CFAP54: variants seen among roughly 807,000 people sequenced by gnomAD.
CFAP54 encodes cilia- and flagella-associated protein 54.
CFAP54 carries 290 observed loss-of-function variants against 370.4 expected under a neutral mutation model. The observed-to-expected ratio is 0.78, with a 90% confidence interval of 0.71 to 0.86. The LOEUF (loss-of-function observed/expected upper bound fraction) is 0.86. Ranked by LOEUF, CFAP54 falls within the 40% of genes least tolerant of loss-of-function variation. CFAP54 has a pLI of 0.00. For missense variants in CFAP54, 3,399 were observed against 3,528.7 expected (o/e 0.96, Z 0.93); for synonymous variants, 1,206 against 1,236.5 (o/e 0.98, Z 0.52).
chr12:96,626,304 T>G (rs1283940228), intron 29 of CFAP54, among the ~76,000 whole-genome samples: 1 of 151,138 alleles, frequency 6.6e-6, no homozygotes, highest in East Asian at 1.9e-4. Flanking sequence ...GAGAATCACT[T>G]GAATCTGGGA....
At chr12:96,529,026 G>T (rs1485439371) in intron 9 of CFAP54, among the ~76,000 whole-genome samples, 1 of 152,080 alleles carries the variant, frequency 6.6e-6, no homozygotes, top group Non-Finnish European at 1.5e-5. Flanking sequence ...TTTATTCTTT[G>T]ATATATGGGT....
chr12:96,722,752 C>T (rs1363959867), intron 50 of CFAP54, among the ~76,000 whole-genome samples: 1 of 152,164 alleles, frequency 6.6e-6, no homozygotes, highest in Admixed American at 6.5e-5. Context: ...GGTGGTGTTT[C>T]TTACCAGTGT....
intron 60 of CFAP54, among the ~76,000 whole-genome samples, chr12:96,780,068 T>G (rs1047436852): frequency 6.6e-6 from 1 of 152,172 alleles, no homozygotes; most frequent in African/African-American, 2.4e-5. Flanking sequence ...GAGGCATTCT[T>G]GATATACTCT....
chr12:96,538,790 G>A, intron 13 of CFAP54: 1 of 324,450 alleles, frequency 3.1e-6, no homozygotes, highest in Middle Eastern at 9.7e-4. Context: ...GCTCTGTCCT[G>A]GAGGCTGCAG....
rs1000911152 is a variant in CFAP54, at chr12:96,507,044, G to A, written c.684G>A (p.Arg228=). 9 of 1,535,190 alleles carry A rather than the reference G, an allele frequency of 5.9e-6. No individual in the cohort carries two copies. In the East Asian group the frequency reaches 9.8e-5, roughly 17 times the overall value. The change falls in exon 4 of 68, where the codon AGG becomes AGA. Residue 228 remains arginine, a synonymous_variant. Coordinates refer to ENST00000524981, the MANE Select transcript of CFAP54 (RefSeq NM_001306084.2). ...VQCLHILSSL[R]LIMQVALPQE... ...GTCTGCATATCTTGTCCTCCTTAAGGCTCATCATGCAAGTGGCTCTGCCAC... is the reference window on the plus strand; with the variant it reads ...GTCTGCATATCTTGTCCTCCTTAAGACTCATCATGCAAGTGGCTCTGCCAC...
chr12:96,636,960 T>A (rs903143744), intron 32 of CFAP54, among the ~76,000 whole-genome samples: 7 of 152,092 alleles, frequency 4.6e-5, no homozygotes, highest in African/African-American at 1.4e-4. Flanking sequence ...TTTGTTACAG[T>A]CACAGAGTTT....
At chr12:96,794,338 A>C (rs1021834246) in intron 63 of CFAP54, among the ~76,000 whole-genome samples, 1 of 152,054 alleles carries the variant, frequency 6.6e-6, no homozygotes, top group African/African-American at 2.4e-5. Context: ...ACATTTTCCA[A>C]ACTTTTAGAT....
intron 64 of CFAP54, among the ~76,000 whole-genome samples, chr12:96,817,218 G>T (rs145779699): frequency 6.6e-6 from 1 of 151,702 alleles, no homozygotes; most frequent in African/African-American, 2.4e-5. Flanking sequence ...CTTTTTTATT[G>T]TGCTTTTGCA....
At chr12:96,722,055 T>C (rs2136611269) in intron 50 of CFAP54, among the ~76,000 whole-genome samples, 1 of 152,306 alleles carries the variant, frequency 6.6e-6, no homozygotes, top group South Asian at 2.1e-4. Flanking sequence ...AGCCCATCTG[T>C]TCCCTCCTTT....
At chr12:96,645,490 G>A (rs1236382050) in intron 33 of CFAP54, 1 of 165,220 alleles carries the variant, frequency 6.1e-6, no homozygotes, top group Non-Finnish European at 1.3e-5. Flanking sequence ...CTTAGGGATA[G>A]GAAGAATCAA....
intron 19 of CFAP54, among the ~76,000 whole-genome samples, chr12:96,571,295 A>G (rs1955914447): frequency 6.6e-6 from 1 of 152,208 alleles, no homozygotes; most frequent in Admixed American, 6.5e-5. Context: ...CATTCAGACA[A>G]AAATACTTTG....
At chr12:96,704,456 A>ATG (rs1957525464) in intron 46 of CFAP54, among the ~76,000 whole-genome samples, 1 of 6,962 alleles carries the variant, frequency 1.4e-4, no homozygotes, top group Non-Finnish European at 2.8e-4. Context: ...ATGTGTGTAT[A>ATG]TATATATATA....
chr12:96,839,403 T>C (rs1849307012), intron 66 of CFAP54, among the ~76,000 whole-genome samples: 1 of 152,140 alleles, frequency 6.6e-6, no homozygotes, highest in Non-Finnish European at 1.5e-5. Context: ...TAGATTTAAT[T>C]CCCTAAGGAG....
intron 58 of CFAP54, among the ~76,000 whole-genome samples, chr12:96,760,955 G>A (rs540706912): frequency 6.6e-6 from 1 of 152,168 alleles, no homozygotes; most frequent in Non-Finnish European, 1.5e-5. Flanking sequence ...GTGGACATAT[G>A]TTTTCAATTC....
intron 19 of CFAP54, among the ~76,000 whole-genome samples, chr12:96,569,724 C>T (rs1955895817): frequency 6.6e-6 from 1 of 152,172 alleles, no homozygotes; most frequent in South Asian, 2.1e-4. Context: ...ATAATCAACA[C>T]AGAATCTAAT....
chr12:96,789,400 T>C (rs34461), intron 62 of CFAP54, among the ~76,000 whole-genome samples: 1 of 152,112 alleles, frequency 6.6e-6, no homozygotes, highest in Non-Finnish European at 1.5e-5. Flanking sequence ...TAACACCAGA[T>C]TCAGATTCAC....
At position 96,499,869 on chromosome 12, in the gene CFAP54, C is replaced by A. The variant is rs148069161; in HGVS notation, c.318-965C>A. ...GCTGAGGAAGGAGAATTGCTTGAAC[C>A]CCAGAGGTGGAGGTTGCAGTGAGCC... On this transcript the variant is annotated intron_variant, in intron 1 of 67. Coordinates refer to ENST00000524981, the MANE Select transcript of CFAP54 (RefSeq NM_001306084.2). 4.2e-3 allele frequency among the ~76,000 whole-genome samples: 642 copies of A among 152,172 alleles called. 7 individuals carry two copies. The highest frequency in any genetic ancestry group is 0.015 in the African/African-American group (607 of 41,504).
chr12:96,765,118 G>T lies in CFAP54; in HGVS notation c.8181G>T (p.Lys2727Asn), dbSNP rs1477030773. The T allele has an allele frequency of 6.7e-7, 1 of 1,501,174 alleles. No individual in the cohort carries two copies. 93.0% of individuals were successfully genotyped at this position (1,501,174 alleles called of 1,614,324 possible). The change falls in exon 60 of 68, where the codon AAG (lysine) becomes AAT (asparagine). Residue 2727 changes from lysine (K) to asparagine (N), a missense_variant. By Grantham distance (94) the Lys-to-Asn change is moderately conservative. Coordinates refer to ENST00000524981, the MANE Select transcript of CFAP54 (RefSeq NM_001306084.2). Reference sequence around the variant, plus strand: ...TGGCAATTAACTTACTTATTGGAAAGAAGAATACTAGAATGCATAAAGTTA... The same window carrying T: ...TGGCAATTAACTTACTTATTGGAAATAAGAATACTAGAATGCATAAAGTTA... ...AVLAINLLIG[K>N]KNTRMHKVNQ... is the part of the protein sequence containing the mutation.
Position 96,685,183 on chromosome 12 carries a change from A to G in CFAP54, c.5959A>G (p.Arg1987Gly), listed in dbSNP as rs1565941991. ...FKDYSEEFLS[R>G]VGIWGCLQGA... ...AGACTACAGTGAGGAGTTTCTGTCAAGAGTTGGCATCTGGGGGTGTTTGCA... is the reference window on the plus strand; with the variant it reads ...AGACTACAGTGAGGAGTTTCTGTCAGGAGTTGGCATCTGGGGGTGTTTGCA... The change falls in exon 42 of 68, where the codon AGA becomes GGA. Residue 1987 changes from arginine to glycine, a missense_variant. Transcript: ENST00000524981. 1 of 1,614,120 alleles carries G rather than the reference A, an allele frequency of 6.2e-7. No homozygotes were observed. Among genetic ancestry groups the G allele is most frequent in the Non-Finnish European group, 8.5e-7 (1 of 1,180,000 alleles).
Sources: gnomAD v4.1 joint callset for allele counts (sites outside exome capture counted in the v4.1 genomes callset) on GRCh38, gnomAD v4.1.1 for gene constraint, MANE v1.5 for transcripts, NCBI Gene and HGNC (gene_info 2026-07-23, HGNC 2026-07-21) for gene names.